Variants in MYO1D observed in about 807,000 individuals in gnomAD.
MYO1D encodes myosin ID.
MYO1D carries 83 observed loss-of-function variants against 122.0 expected under a neutral mutation model. That is an observed-to-expected ratio of 0.68 (90% CI 0.57 to 0.82). The LOEUF (loss-of-function observed/expected upper bound fraction) is 0.82. Among genes scored for constraint, MYO1D ranks in the 40% least tolerant of loss-of-function variants. The pLI, the probability that MYO1D is intolerant of heterozygous loss-of-function variation, is 0.00. For synonymous variants in MYO1D, 464 were observed against 446.9 expected (o/e 1.04, Z -0.48); for missense variants, 1,157 against 1,269.5 (o/e 0.91, Z 1.35).
rs769868103 is a variant in MYO1D, at chr17:32,771,151, A to G, written c.688T>C (p.Tyr230His). Residue 230 changes from tyrosine (Y) to histidine (H), a missense_variant, in exon 6 of 22, where the codon TAT becomes CAT. Physicochemically the swap from Tyr to His is moderately conservative, Grantham distance 83 (BLOSUM62 2). Coordinates refer to ENST00000318217, the MANE Select transcript of MYO1D (RefSeq NM_015194.3). ...HLQKSLSSYN[Y>H]IHVGAQLKSS... Reference sequence around the variant, plus strand: ...TTTAATTGAGCTCCCACATGAATATAGTTGTAGGATGAAAGGGATTTCTGG... The same window carrying G: ...TTTAATTGAGCTCCCACATGAATATGGTTGTAGGATGAAAGGGATTTCTGG... The G allele has an allele frequency of 1.2e-6, 2 of 1,609,004 alleles. No individual in the cohort carries two copies. The highest frequency in any genetic ancestry group is 1.7e-6 in the Non-Finnish European group (2 of 1,175,636).
chr17:32,868,447 C>G (rs562853924), intron 1 of MYO1D, among the ~76,000 whole-genome samples: 2 of 152,216 alleles, frequency 1.3e-5, no homozygotes, highest in South Asian at 2.1e-4. Context: ...GCTAGGTAAT[C>G]TGAATTCCCT....
intron 19 of MYO1D, among the ~76,000 whole-genome samples, chr17:32,639,459 G>T (rs985899568): frequency 6.6e-6 from 1 of 150,382 alleles, no homozygotes; most frequent in Non-Finnish European, 1.5e-5. Flanking sequence ...CACATGTTCA[G>T]GTAAATCTTT....
intron 17 of MYO1D, among the ~76,000 whole-genome samples, chr17:32,657,166 A>G (rs17247848): frequency 0.071 from 10,795 of 152,356 alleles, 464 homozygotes; most frequent in East Asian, 0.19. Flanking sequence ...TCAATTAAAA[A>G]GAATTACTGT....
At chr17:32,861,965 C>G (rs2091081064) in intron 1 of MYO1D, among the ~76,000 whole-genome samples, 1 of 152,184 alleles carries the variant, frequency 6.6e-6, no homozygotes, top group Non-Finnish European at 1.5e-5. Context: ...TTGCAGTGAG[C>G]TGAGATTGTG....
rs192776469 is a variant in MYO1D at position 32,624,884 on chromosome 17, G to A, written c.2709+13838C>T. On this transcript the variant is annotated intron_variant, in intron 20 of 21. Coordinates refer to ENST00000318217, the MANE Select transcript of MYO1D (RefSeq NM_015194.3). Reference sequence around the variant, plus strand: ...TGGCTCACTGCAACCTCCGCCTCCCGGGTTCAAGCGATTCTCTTGCCTCAG... The same window carrying A: ...TGGCTCACTGCAACCTCCGCCTCCCAGGTTCAAGCGATTCTCTTGCCTCAG... Among the ~76,000 whole-genome samples, 368 of 151,348 alleles carry A rather than the reference G, an allele frequency of 2.4e-3. 5 individuals carry two copies. The highest frequency in any genetic ancestry group is 8.0e-3 in the African/African-American group (331 of 41,224).
At chr17:32,526,232 C>T (rs1910338421) in intron 21 of MYO1D, among the ~76,000 whole-genome samples, 3 of 152,346 alleles carry the variant, frequency 2.0e-5, no homozygotes, top group Admixed American at 1.3e-4. Flanking sequence ...TTTATCCCCA[C>T]TTCTGGCTCA....
chr17:32,699,948 T>A (rs966535016), intron 16 of MYO1D, among the ~76,000 whole-genome samples: 1 of 152,106 alleles, frequency 6.6e-6, no homozygotes, highest in African/African-American at 2.4e-5. Context: ...AAATGGAACA[T>A]TTAACATTCT....
chr17:32,806,980 T>C (rs1418666882), intron 1 of MYO1D, among the ~76,000 whole-genome samples: 2 of 152,204 alleles, frequency 1.3e-5, no homozygotes, highest in African/African-American at 4.8e-5. Context: ...TGTAGGTGAA[T>C]TTGGCAATTC....
intron 16 of MYO1D, among the ~76,000 whole-genome samples, chr17:32,672,843 A>G (rs921630502): frequency 2.0e-5 from 3 of 152,062 alleles, no homozygotes; most frequent in African/African-American, 7.2e-5. Flanking sequence ...TAATAGGAGT[A>G]GGTTTATAGT....
intron 1 of MYO1D, among the ~76,000 whole-genome samples, chr17:32,854,566 A>G (rs570615487): frequency 3.9e-5 from 6 of 152,384 alleles, no homozygotes; most frequent in African/African-American, 1.4e-4. Context: ...TATACACTTT[A>G]TGCAGTGGTG....
chr17:32,548,679 A>C (rs2086985700), intron 21 of MYO1D, among the ~76,000 whole-genome samples: 1 of 151,548 alleles, frequency 6.6e-6, no homozygotes, highest in Non-Finnish European at 1.5e-5. Flanking sequence ...CTTCTTATTC[A>C]GTACCACTTT....
intron 19 of MYO1D, among the ~76,000 whole-genome samples, chr17:32,648,376 TTA>T (rs1454406828): frequency 6.6e-6 from 1 of 152,218 alleles, no homozygotes; most frequent in Non-Finnish European, 1.5e-5. Context: ...TCTTGTGATT[TTA>T]TGAGTGATAG....
rs2089504713 is a variant in MYO1D, at chr17:32,721,091, T to C, written c.1845A>G (p.Leu615=). The part of the protein sequence containing the change: ...RCRHQVEYLG[L]LENVRVRRAG... ...CCCGACGCACTCTCACATTTTCCAGTAGTCCAAGATATTCTACTTGGTGCC... is the reference window on the plus strand; with the variant it reads ...CCCGACGCACTCTCACATTTTCCAGCAGTCCAAGATATTCTACTTGGTGCC... Residue 615 remains leucine, a synonymous_variant, in exon 15 of 22, where the codon CTA becomes CTG. Transcript: ENST00000318217. The C allele has an allele frequency of 6.2e-7, 1 of 1,614,122 alleles. No individual in the cohort carries two copies. Among genetic ancestry groups the C allele is most frequent in the South Asian group, 1.1e-5 (1 of 91,064 alleles).
At chr17:32,700,167 G>A (rs1023913728) in intron 16 of MYO1D, among the ~76,000 whole-genome samples, 1 of 152,204 alleles carries the variant, frequency 6.6e-6, no homozygotes, top group Non-Finnish European at 1.5e-5. Flanking sequence ...TTGGCACCAA[G>A]GACCAATTTC....
chr17:32,682,495 T>C (rs1405027191), intron 16 of MYO1D, among the ~76,000 whole-genome samples: 1 of 151,442 alleles, frequency 6.6e-6, no homozygotes, highest in African/African-American at 2.4e-5. Context: ...GGATTTTATT[T>C]CTCCTTCACT....
chr17:32,668,728 GTCTCAC>G (rs1195875899), intron 16 of MYO1D, among the ~76,000 whole-genome samples: 1 of 149,348 alleles, frequency 6.7e-6, no homozygotes, highest in African/African-American at 2.5e-5. Context: ...TTGAGATGGA[GTCTCAC>G]TCTGTCGCCC....
In MYO1D at chr17:32,712,049, A is replaced by C; in HGVS notation, c.2060T>G (p.Leu687Trp). 6.2e-7 allele frequency: 1 copy of C among 1,614,150 alleles called. No homozygotes were observed. Residue 687 changes from leucine to tryptophan, a missense_variant, in exon 16 of 22, where the codon TTG (leucine) becomes TGG (tryptophan). Physicochemically the swap from Leu to Trp is moderately conservative, Grantham distance 61. Transcript: ENST00000318217. Reference protein sequence around the residue: ...TKIFIRTPRTLFTLEELRAQM... With the variant: ...TKIFIRTPRTWFTLEELRAQM... ...GGCACGGAGTTCTTCCAAGGTAAAC[A>C]ATGTTCGGGGTGTTCGAATGAAAAT...
chr17:32,566,195 A>T (rs1482966561), intron 21 of MYO1D, among the ~76,000 whole-genome samples: 1 of 48,616 alleles, frequency 2.1e-5, no homozygotes, highest in South Asian at 7.3e-4. Context: ...GATGTTAAAT[A>T]AAAAAAAAGT....
intron 21 of MYO1D, among the ~76,000 whole-genome samples, chr17:32,547,038 T>C (rs955709684): frequency 1.3e-5 from 2 of 151,610 alleles, no homozygotes; most frequent in Admixed American, 6.6e-5. Context: ...GCCTTCTGAG[T>C]AGCTGGAACT....
Sources: allele counts gnomAD v4.1 joint callset (sites outside exome capture counted in the v4.1 genomes callset), GRCh38; gene constraint gnomAD v4.1.1; transcripts MANE v1.5; gene names NCBI Gene and HGNC (gene_info 2026-07-23, HGNC 2026-07-21).